The following CSNK1G1 variants were observed in gnomAD, a reference collection of about 807,000 sequenced individuals.
CSNK1G1 encodes casein kinase I isoform gamma-1.
Under a neutral mutation model 59.6 loss-of-function variants are expected in CSNK1G1, and 22 were observed. The ratio of observed to expected loss-of-function variants is 0.37; its 90% CI spans 0.26 to 0.53. The LOEUF (loss-of-function observed/expected upper bound fraction) is 0.53. Ranked by LOEUF, CSNK1G1 falls within the 20% of genes least tolerant of loss-of-function variation. The probability of loss-of-function intolerance (pLI) is 0.89; values close to 1 mark genes in which losing one functional copy is unlikely to be tolerated. For missense variants in CSNK1G1, 384 were observed against 519.5 expected, an observed-to-expected ratio of 0.74 and a Z score of 2.54; for synonymous variants, 179 against 177.1, an observed-to-expected ratio of 1.01 and a Z score of -0.08.
At chr15:64,327,101 G>A (rs997310447) in intron 1 of CSNK1G1, among the ~76,000 whole-genome samples, 20 of 152,072 alleles carry the variant, frequency 1.3e-4, no homozygotes, top group African/African-American at 4.8e-4. Flanking sequence ...TGGGGGAGGG[G>A]CGCCCGCCAT....
chr15:64,309,880 C>CAG (rs1895898052), intron 1 of CSNK1G1, among the ~76,000 whole-genome samples: 1 of 152,046 alleles, frequency 6.6e-6, no homozygotes, highest in Non-Finnish European at 1.5e-5. Context: ...GAGGTCAAGA[C>CAG]AAGATGATCG....
At chr15:64,256,822 C>T (rs1400035697) in intron 3 of CSNK1G1, among the ~76,000 whole-genome samples, 2 of 152,076 alleles carry the variant, frequency 1.3e-5, no homozygotes, top group Non-Finnish European at 2.9e-5. Flanking sequence ...ACAGCAGCAG[C>T]AGAGCTTCCT....
intron 1 of CSNK1G1, among the ~76,000 whole-genome samples, chr15:64,314,023 A>G (rs2140426969): frequency 6.6e-6 from 1 of 152,328 alleles, no homozygotes; most frequent in African/African-American, 2.4e-5. Context: ...AAACACATGA[A>G]TTAAAAAAAC....
At chr15:64,281,779 G>C (rs1400618366) in intron 2 of CSNK1G1, among the ~76,000 whole-genome samples, 2 of 151,316 alleles carry the variant, frequency 1.3e-5, no homozygotes, top group Admixed American at 6.6e-5. Context: ...GGCAGAAGTT[G>C]CAGTGAGCCG....
intron 4 of CSNK1G1, among the ~76,000 whole-genome samples, chr15:64,222,465 G>C (rs1459212238): frequency 2.0e-5 from 3 of 148,918 alleles, no homozygotes. Flanking sequence ...AAAAAGAGGA[G>C]GGGGTTTAGA....
intron 4 of CSNK1G1, among the ~76,000 whole-genome samples, chr15:64,236,184 G>C (rs1016535692): frequency 6.7e-6 from 1 of 149,054 alleles, no homozygotes; most frequent in Non-Finnish European, 1.5e-5. Flanking sequence ...AAAGAAAATA[G>C]TGAGGAAAAG....
intron 1 of CSNK1G1, among the ~76,000 whole-genome samples, chr15:64,338,136 C>T (rs1357045853): frequency 6.6e-6 from 1 of 152,134 alleles, no homozygotes; most frequent in Non-Finnish European, 1.5e-5. Context: ...ACTGCTGGGT[C>T]TATATGGTAG....
chr15:64,268,627 G>A (rs1893110087), intron 2 of CSNK1G1, among the ~76,000 whole-genome samples: 1 of 152,068 alleles, frequency 6.6e-6, no homozygotes, highest in South Asian at 2.1e-4. Context: ...TTGTTTTTTA[G>A]GGAACACACA....
intron 1 of CSNK1G1, among the ~76,000 whole-genome samples, chr15:64,348,967 AC>A (rs1898126357): frequency 6.6e-6 from 1 of 151,946 alleles, no homozygotes; most frequent in Non-Finnish European, 1.5e-5. Flanking sequence ...CCCCATCTCT[AC>A]TAAAAATACA....
intron 1 of CSNK1G1, among the ~76,000 whole-genome samples, chr15:64,352,710 G>T (rs1312336025): frequency 1.3e-5 from 2 of 151,400 alleles, no homozygotes; most frequent in Non-Finnish European, 2.9e-5. Context: ...CTCCCAAGGT[G>T]CTAGGATTAC....
At position 64,216,188 on chromosome 15, in the gene CSNK1G1, G is replaced by A. The variant is rs181373327; in HGVS notation, c.444+374C>T. Reference sequence around the variant, plus strand: ...TGCACTGAGCTATGATCATGCTACTGTACTCTAGCCTGGGTGACAGAGACC... The same window carrying A: ...TGCACTGAGCTATGATCATGCTACTATACTCTAGCCTGGGTGACAGAGACC... On this transcript the variant is annotated intron_variant, in intron 5 of 11. Transcript: ENST00000303052. The surrounding 1 kb of genome is among the most constrained non-coding windows in gnomAD (Gnocchi z 4.6). Among the ~76,000 whole-genome samples, 216 of 152,096 alleles carry A rather than the reference G, an allele frequency of 1.4e-3. No individual in the cohort carries two copies. The highest frequency in any genetic ancestry group is 4.8e-3 in the African/African-American group (201 of 41,508).
intron 1 of CSNK1G1, among the ~76,000 whole-genome samples, chr15:64,319,030 T>C (rs1896421715): frequency 6.6e-6 from 1 of 151,906 alleles, no homozygotes; most frequent in Non-Finnish European, 1.5e-5. Context: ...TTTGTACTTT[T>C]TTTTAGAGAC....
chr15:64,261,147 T>C (rs947815324), intron 2 of CSNK1G1, among the ~76,000 whole-genome samples: 44 of 152,252 alleles, frequency 2.9e-4, no homozygotes, highest in African/African-American at 1.1e-3. Context: ...TAGTAATAAG[T>C]AAGAGAGGAA....
intron 1 of CSNK1G1, among the ~76,000 whole-genome samples, chr15:64,322,825 C>A (rs72757002): frequency 0.068 from 10,338 of 151,998 alleles, 370 homozygotes; most frequent in South Asian, 0.087. Flanking sequence ...ATCTCAAAAA[C>A]TAAATAAGTA....
chr15:64,324,498 A>G (rs778101090), intron 1 of CSNK1G1, among the ~76,000 whole-genome samples: 1 of 152,190 alleles, frequency 6.6e-6, no homozygotes, highest in Non-Finnish European at 1.5e-5. Flanking sequence ...TCTGACTTCA[A>G]GTTCTTCAGC....
At position 64,329,891 on chromosome 15, in the gene CSNK1G1, A is replaced by G. The variant is rs1266028571; in HGVS notation, c.-225+26097T>C. ...ACAAACTACCATCAGAGAATACTAC[A>G]AACACCTCTACACAAATAAACTAGA... On this transcript the variant is annotated intron_variant, in intron 1 of 11. Coordinates refer to ENST00000303052, the MANE Select transcript of CSNK1G1 (RefSeq NM_022048.5). Among the ~76,000 whole-genome samples the G allele has an allele frequency of 7.3e-3, 1,019 of 139,666 alleles. 14 individuals are homozygous for G. Among genetic ancestry groups the G allele is most frequent in the African/African-American group, 0.026 (958 of 37,236 alleles). 91.6% of individuals were successfully genotyped at this position (139,666 alleles called of 152,430 possible).
chr15:64,353,462 T>C (rs2016316), intron 1 of CSNK1G1, among the ~76,000 whole-genome samples: 141,393 of 152,034 alleles, frequency 0.93, 66,347 homozygotes, highest in East Asian at 1. Flanking sequence ...CTGGCTAACA[T>C]GATGACACTT....
chr15:64,243,192 T>A (rs973671188), intron 4 of CSNK1G1, among the ~76,000 whole-genome samples: 6 of 151,794 alleles, frequency 4.0e-5, no homozygotes, highest in Non-Finnish European at 7.4e-5. Flanking sequence ...AAAAATTAGC[T>A]AGGTGTGGTG....
intron 2 of CSNK1G1, among the ~76,000 whole-genome samples, chr15:64,296,004 T>C (rs1383957370): frequency 6.6e-6 from 1 of 152,198 alleles, no homozygotes; most frequent in Non-Finnish European, 1.5e-5. Context: ...TGATTGTGTA[T>C]CCTGCACAAG....
Sources: gnomAD v4.1 joint callset for allele counts (sites outside exome capture counted in the v4.1 genomes callset) on GRCh38, gnomAD v4.1.1 for gene constraint, Gnocchi (gnomAD v3.1) non-coding constraint, MANE v1.5 for transcripts, NCBI Gene and HGNC (gene_info 2026-07-23, HGNC 2026-07-21) for gene names.